ATP8B4: variants seen among roughly 807,000 people sequenced by gnomAD.
ATP8B4 encodes the protein probable phospholipid-transporting ATPase IM.
A neutral mutation model predicts 145.6 loss-of-function variants in ATP8B4; 133 were observed. The ratio of observed to expected loss-of-function variants is 0.91; its 90% CI spans 0.79 to 1.05. The LOEUF (loss-of-function observed/expected upper bound fraction) is 1.05. ATP8B4 is among the 50% of genes least tolerant of loss of function. The pLI is 0.00. For missense variants in ATP8B4, 1,458 were observed against 1,425.2 expected (o/e 1.02, Z -0.37); for synonymous variants, 507 against 492.9 (o/e 1.03, Z -0.38).
chr15:49,983,930 T>G (rs936342060), intron 10 of ATP8B4, among the ~76,000 whole-genome samples: 2 of 152,238 alleles, frequency 1.3e-5, no homozygotes, highest in South Asian at 2.1e-4. Context: ...TCTTTCTCTC[T>G]CCTACCATAC....
intron 27 of ATP8B4, among the ~76,000 whole-genome samples, chr15:49,861,315 G>A (rs1172397774): frequency 6.6e-6 from 1 of 152,008 alleles, no homozygotes; most frequent in Non-Finnish European, 1.5e-5. Flanking sequence ...AGAGAGGACA[G>A]ATATGACAAG....
chr15:50,036,363 G>A (rs559430301), intron 6 of ATP8B4, among the ~76,000 whole-genome samples: 2 of 152,274 alleles, frequency 1.3e-5, no homozygotes, highest in African/African-American at 2.4e-5. Flanking sequence ...ACGCTCGTGC[G>A]CCAGTTGGTC....
chr15:50,156,166 G>GTTTTA (rs141463332), intron 1 of ATP8B4, among the ~76,000 whole-genome samples: 2 of 120,878 alleles, frequency 1.7e-5, no homozygotes, highest in East Asian at 2.2e-4. Context: ...TTGTTTGCTG[G>GTTTTA]TTTAACTAGT....
chr15:50,007,098 AAAAAATAAATAAAT>A (rs1287774906), intron 7 of ATP8B4, among the ~76,000 whole-genome samples: 11 of 84,818 alleles, frequency 1.3e-4, no homozygotes, highest in African/African-American at 8.3e-4. Flanking sequence ...CAGAACATAA[AAAAAATAAATAAAT>A]AAAAATAAAT....
intron 6 of ATP8B4, among the ~76,000 whole-genome samples, chr15:50,019,900 G>A (rs1309608104): frequency 6.6e-6 from 1 of 151,958 alleles, no homozygotes; most frequent in Admixed American, 6.6e-5. Flanking sequence ...ACTTTAGAGT[G>A]CCTGAGAGCT....
intron 1 of ATP8B4, among the ~76,000 whole-genome samples, chr15:50,176,084 A>T (rs1235311488): frequency 6.6e-6 from 1 of 151,818 alleles, no homozygotes; most frequent in Non-Finnish European, 1.5e-5. Flanking sequence ...TATATACCAC[A>T]GAGTATATAT....
chr15:50,103,997 A>T (rs2056527270), intron 2 of ATP8B4, among the ~76,000 whole-genome samples: 1 of 152,208 alleles, frequency 6.6e-6, no homozygotes, highest in Non-Finnish European at 1.5e-5. Context: ...TACCCAATTT[A>T]ACAAATGGTG....
At position 49,962,488 on chromosome 15, in the gene ATP8B4, A is replaced by G. The variant is rs147936885; in HGVS notation, c.1244-468T>C. ...CAAATTAGCATGTAAGCCTTAAACA[A>G]TGCCAGTACTTTCTGCAGTCAGAAA... On this transcript the variant is annotated intron_variant, in intron 13 of 27. Coordinates refer to ENST00000284509, the MANE Select transcript of ATP8B4 (RefSeq NM_024837.4). Among the ~76,000 whole-genome samples the G allele has an allele frequency of 6.3e-3, 957 of 152,330 alleles. 5 individuals are homozygous for G. Among genetic ancestry groups the G allele is most frequent in the Middle Eastern group, 0.014 (4 of 294 alleles).
intron 1 of ATP8B4, among the ~76,000 whole-genome samples, chr15:50,144,397 T>C (rs2044249682): frequency 6.6e-6 from 1 of 152,212 alleles, no homozygotes; most frequent in Non-Finnish European, 1.5e-5. Flanking sequence ...AGAGGTTTGA[T>C]TGACTCACAG....
intron 1 of ATP8B4, among the ~76,000 whole-genome samples, chr15:50,132,475 G>C (rs1227335343): frequency 6.6e-6 from 1 of 152,184 alleles, no homozygotes; most frequent in Non-Finnish European, 1.5e-5. Context: ...CCCTGCAGAG[G>C]ATGTGGAGAA....
intron 23 of ATP8B4, among the ~76,000 whole-genome samples, chr15:49,894,617 A>G (rs972805181): frequency 6.6e-6 from 1 of 152,216 alleles, no homozygotes; most frequent in African/African-American, 2.4e-5. Flanking sequence ...ACAACTGAGA[A>G]AAACAGCATT....
intron 7 of ATP8B4, chr15:50,009,617 GCA>G (rs1567191549): frequency 1.8e-5 from 8 of 445,534 alleles, no homozygotes; most frequent in Admixed American, 1.7e-4. Context: ...TTGATTCCAC[GCA>G]CAGAGTATGT....
At chr15:50,030,437 G>C (rs1052434886) in intron 6 of ATP8B4, among the ~76,000 whole-genome samples, 4 of 152,232 alleles carry the variant, frequency 2.6e-5, no homozygotes, top group Non-Finnish European at 5.9e-5. Flanking sequence ...TGTGTAATAG[G>C]GGGGAGATCA....
intron 2 of ATP8B4, among the ~76,000 whole-genome samples, chr15:50,096,863 T>C (rs1175386245): frequency 6.6e-6 from 1 of 152,138 alleles, no homozygotes; most frequent in African/African-American, 2.4e-5. Flanking sequence ...TATTAAAACA[T>C]AGAAGAGAAC....
chr15:50,111,019 T>A (rs996524973), intron 1 of ATP8B4, among the ~76,000 whole-genome samples: 3 of 152,160 alleles, frequency 2.0e-5, no homozygotes, highest in African/African-American at 7.2e-5. Context: ...ACAGGGAAAT[T>A]AAAGAGTTGG....
chr15:49,908,415 G>A (rs2038859442), intron 20 of ATP8B4, among the ~76,000 whole-genome samples: 1 of 152,158 alleles, frequency 6.6e-6, no homozygotes, highest in South Asian at 2.1e-4. Context: ...GAAGAAGAGG[G>A]AAACAAGGCA....
At chr15:50,054,448 T>C (rs1197792180) in intron 3 of ATP8B4, among the ~76,000 whole-genome samples, 1 of 152,142 alleles carries the variant, frequency 6.6e-6, no homozygotes, top group Non-Finnish European at 1.5e-5. Flanking sequence ...GACGCTAACC[T>C]AGTATTTTGA....
At chr15:50,142,505 A>G (rs368442919) in intron 1 of ATP8B4, among the ~76,000 whole-genome samples, 2 of 151,974 alleles carry the variant, frequency 1.3e-5, no homozygotes, top group South Asian at 2.1e-4. Flanking sequence ...AACCCTACGG[A>G]TCTGTTTTGT....
intron 3 of ATP8B4, among the ~76,000 whole-genome samples, chr15:50,068,996 G>A (rs980218305): frequency 6.6e-6 from 1 of 152,068 alleles, no homozygotes; most frequent in African/African-American, 2.4e-5. Flanking sequence ...TGGCTGTTTG[G>A]CTCACTCACA....
Sources: allele counts gnomAD v4.1 joint callset (sites outside exome capture counted in the v4.1 genomes callset), GRCh38; gene constraint gnomAD v4.1.1; transcripts MANE v1.5; gene names NCBI Gene and HGNC (gene_info 2026-07-23, HGNC 2026-07-21).